Variants in DAB1 observed in about 807,000 individuals in gnomAD.
DAB1 encodes disabled homolog 1.
In DAB1, 15 loss-of-function variants were observed where a neutral mutation model predicts 64.6. That is an observed-to-expected ratio of 0.23 (90% CI 0.16 to 0.36). DAB1 has a LOEUF of 0.36. Among genes scored for constraint, DAB1 ranks in the 10% least tolerant of loss-of-function variants. DAB1 has a pLI of 1.00. For missense variants in DAB1, 596 were observed against 706.7 expected (o/e 0.84, Z 1.78); for synonymous variants, 235 against 251.9 (o/e 0.93, Z 0.64).
At chr1:58,300,627 AGAGAGAGAGAGAGAGAGAGAGGAAGG>A (rs1314762990) in intron 4 of DAB1, among the ~76,000 whole-genome samples, 32 of 51,330 alleles carry the variant, frequency 6.2e-4, no homozygotes, top group Non-Finnish European at 1.0e-3. Flanking sequence ...AGAGAGAGAG[AGAGAGAGAGAGAGAGAGAGAGGAAGG>A]AAGGAAGGAA....
chr1:57,623,632 C>A (rs1044510230), intron 7 of DAB1, among the ~76,000 whole-genome samples: 10 of 152,038 alleles, frequency 6.6e-5, no homozygotes, highest in Admixed American at 3.3e-4. Flanking sequence ...CCCCACTAGG[C>A]TGGGGTAAGG....
At chr1:58,453,147 T>A (rs751994707) in intron 3 of DAB1, among the ~76,000 whole-genome samples, 22 of 152,124 alleles carry the variant, frequency 1.4e-4, no homozygotes, top group Non-Finnish European at 2.9e-5. Context: ...ATACCGTGCA[T>A]GATTCCATTT....
intron 1 of DAB1, among the ~76,000 whole-genome samples, chr1:57,389,033 A>G (rs1017700665): frequency 1.3e-5 from 2 of 152,160 alleles, no homozygotes; most frequent in South Asian, 2.1e-4. Flanking sequence ...TCACACCACA[A>G]AAGTAACTGA....
At chr1:58,064,008 G>A (rs1466904334) in intron 5 of DAB1, among the ~76,000 whole-genome samples, 1 of 152,122 alleles carries the variant, frequency 6.6e-6, no homozygotes, top group Non-Finnish European at 1.5e-5. Context: ...CCCTCCATGG[G>A]CATGAATAGA....
chr1:57,210,734 A>G (rs1665933696), intron 2 of DAB1, among the ~76,000 whole-genome samples: 1 of 152,208 alleles, frequency 6.6e-6, no homozygotes, highest in Non-Finnish European at 1.5e-5. Context: ...TTTGGTTTCA[A>G]AAGGAAGGCA....
intron 4 of DAB1, among the ~76,000 whole-genome samples, chr1:57,085,732 GT>G (rs1447014116): frequency 3.9e-5 from 6 of 152,124 alleles, no homozygotes; most frequent in Admixed American, 1.3e-4. Context: ...TCCCATGTTC[GT>G]TTTTGGCTCA....
At chr1:58,179,212 C>A (rs1041446965) in intron 4 of DAB1, among the ~76,000 whole-genome samples, 4 of 151,718 alleles carry the variant, frequency 2.6e-5, no homozygotes, top group African/African-American at 4.8e-5. Flanking sequence ...ATCTCTTTAT[C>A]TATATGTTTC....
intron 2 of DAB1, among the ~76,000 whole-genome samples, chr1:57,203,581 T>A (rs960917864): frequency 8.5e-5 from 13 of 152,242 alleles, no homozygotes; most frequent in Admixed American, 3.9e-4. Flanking sequence ...GGCTCTGAGC[T>A]AAACTTACTG....
chr1:57,479,370 A>T (rs1264006176), intron 7 of DAB1, among the ~76,000 whole-genome samples: 2 of 151,480 alleles, frequency 1.3e-5, no homozygotes, highest in East Asian at 3.9e-4. Context: ...AAGACCTTGG[A>T]TCTAGGTGAG....
chr1:57,964,551 A>G (rs1457567049), intron 5 of DAB1, among the ~76,000 whole-genome samples: 1 of 152,192 alleles, frequency 6.6e-6, no homozygotes, highest in East Asian at 1.9e-4. Context: ...ATGGATGAGT[A>G]TTTACCGAGT....
chr1:58,061,526 C>G (rs1648503883), intron 5 of DAB1, among the ~76,000 whole-genome samples: 1 of 152,168 alleles, frequency 6.6e-6, no homozygotes, highest in Non-Finnish European at 1.5e-5. Flanking sequence ...TCCAAATTTT[C>G]CCTTTTTACA....
At chr1:58,180,005 C>T (rs1656687602) in intron 4 of DAB1, among the ~76,000 whole-genome samples, 2 of 151,884 alleles carry the variant, frequency 1.3e-5, no homozygotes, top group Admixed American at 6.6e-5. Flanking sequence ...ATTTACATAG[C>T]ATTTACATTA....
chr1:57,022,893 G>A (rs1371906966), intron 11 of DAB1, among the ~76,000 whole-genome samples: 2 of 152,284 alleles, frequency 1.3e-5, no homozygotes, highest in African/African-American at 2.4e-5. Flanking sequence ...AGGTAAGATT[G>A]CTGGGCTCCA....
intron 5 of DAB1, among the ~76,000 whole-genome samples, chr1:57,950,593 T>C (rs1341130947): frequency 2.0e-5 from 3 of 151,712 alleles, no homozygotes; most frequent in Non-Finnish European, 4.4e-5. Flanking sequence ...GATAAATTCA[T>C]ACTGCAAAGT....
intron 1 of DAB1, among the ~76,000 whole-genome samples, chr1:57,844,247 T>C (rs916985513): frequency 3.9e-5 from 6 of 152,260 alleles, no homozygotes; most frequent in African/African-American, 1.2e-4. Context: ...TTCATGTATC[T>C]GTTTCCCTTA....
chr1:57,781,881 C>T (rs576773562), intron 6 of DAB1, among the ~76,000 whole-genome samples: 9 of 152,066 alleles, frequency 5.9e-5, no homozygotes, highest in Non-Finnish European at 8.8e-5. Context: ...CTTCAAGGTA[C>T]GGTTTTCCTT....
chr1:58,530,085 G>A (rs1470585172), intron 1 of DAB1, among the ~76,000 whole-genome samples: 2 of 152,080 alleles, frequency 1.3e-5, no homozygotes, highest in African/African-American at 2.4e-5. Flanking sequence ...GTTTCACCAC[G>A]TTAGCCAGGA....
intron 2 of DAB1, among the ~76,000 whole-genome samples, chr1:58,521,884 G>A (rs1421389370): frequency 2.0e-5 from 3 of 152,096 alleles, no homozygotes; most frequent in African/African-American, 7.2e-5. Flanking sequence ...AAGAGAAAAT[G>A]AAGAACACTT....
chr1:58,021,699 A>G (rs1273725247), intron 5 of DAB1, among the ~76,000 whole-genome samples: 2 of 152,238 alleles, frequency 1.3e-5, no homozygotes, highest in Admixed American at 1.3e-4. Flanking sequence ...TTGTCAGAGC[A>G]GAACTGGCCC....
Sources: gnomAD v4.1 joint callset for allele counts (sites outside exome capture counted in the v4.1 genomes callset) on GRCh38, gnomAD v4.1.1 for gene constraint, MANE v1.5 for transcripts, NCBI Gene and HGNC (gene_info 2026-07-23, HGNC 2026-07-21) for gene names.